The following RHEX variants were observed in gnomAD, a reference collection of about 807,000 sequenced individuals.
The protein encoded by RHEX is regulator of hemoglobinization and erythroid cell expansion.
Under a neutral mutation model 20.1 loss-of-function variants are expected in RHEX, and 18 were observed. The ratio of observed to expected loss-of-function variants is 0.90; its 90% CI spans 0.62 to 1.33. The LOEUF (loss-of-function observed/expected upper bound fraction) is 1.33, where lower values mean the gene tolerates loss of function less well. RHEX is among the 40% of genes most tolerant of loss of function. The probability of loss-of-function intolerance (pLI) is 0.00; values close to 1 mark genes in which losing one functional copy is unlikely to be tolerated. For synonymous variants in RHEX, 87 were observed against 77.1 expected, an observed-to-expected ratio of 1.13 and a Z score of -0.67; for missense variants, 192 against 214.3, an observed-to-expected ratio of 0.90 and a Z score of 0.65.
intron 2 of RHEX, 56 bp downstream of exon 2, chr1:206,097,895 C>G: frequency 1.5e-6 from 2 of 1,367,288 alleles, no homozygotes; most frequent in Non-Finnish European, 2.1e-6. Flanking sequence ...ACTGGTGTAG[C>G]TGTCTTCCAA....
intron 1 of RHEX, among the ~76,000 whole-genome samples, chr1:206,055,319 G>C (rs1004797592): frequency 2.0e-5 from 3 of 152,256 alleles, no homozygotes; most frequent in African/African-American, 7.2e-5. Flanking sequence ...ATTTTCAAGA[G>C]CTTATCAGTC....
chr1:206,053,249 C>T lies in RHEX; in HGVS notation c.-113C>T, dbSNP rs34733911. The T allele has an allele frequency of 2.3e-3, 346 of 152,822 alleles. 1 individual carries two copies. The highest frequency in any genetic ancestry group is 9.8e-3 in the East Asian group (51 of 5,188). 9.5% of individuals were successfully genotyped at this position (152,822 alleles called of 1,614,324 possible). A position where few individuals can be genotyped will look rare whatever the true frequency, so the allele number is the denominator to read the frequency against. On this transcript the variant is annotated 5_prime_UTR_variant, in exon 1 of 6. Transcript: ENST00000331555. ...CGGGAAGGAACTGGCACTTGGAGTC[C>T]GGACATCTGAAACTTGGTAAGACTA...
In RHEX at chr1:206,096,389, A is replaced by C. The variant is rs557857895; in HGVS notation, c.-96-1344A>C. The stretch of plus-strand genomic sequence containing the variant: ...ATACTAAAGCACCAGAATTCCTTTA[A>C]AAATGGAACATTGTTGTTTTCTCAG... On this transcript the variant is annotated intron_variant, in intron 1 of 5. Coordinates refer to ENST00000331555, the MANE Select transcript of RHEX (RefSeq NM_001007544.4). Among the ~76,000 whole-genome samples the C allele has an allele frequency of 4.7e-4, 71 of 152,378 alleles. 2 individuals carry two copies. The South Asian group carries it at 0.014, about 30-fold the overall frequency.
At chr1:206,080,097 G>T (rs1296479959) in intron 1 of RHEX, 1 of 152,162 alleles carries the variant, frequency 6.6e-6, no homozygotes, top group Non-Finnish European at 1.5e-5. Context: ...CTGAGCAGAG[G>T]GTGACATAAC....
At chr1:206,101,009 CT>C in intron 4 of RHEX, 126 bp from the exon 5 acceptor site, 2 of 667,350 alleles carry the variant, frequency 3.0e-6, no homozygotes, top group Non-Finnish European at 2.5e-6. Flanking sequence ...CCTACCCCCC[CT>C]TTTTGTTGCT....
At chr1:206,062,631 GAGGCATAGGGGGGCTGC>G (rs1194680202) in intron 1 of RHEX, among the ~76,000 whole-genome samples, 1 of 151,864 alleles carries the variant, frequency 6.6e-6, no homozygotes, top group African/African-American at 2.4e-5. Context: ...TGTGGAGGAG[GAGGCATAGGGGGGCTGC>G]AGGTGCCTGG....
At chr1:206,092,129 G>T (rs782603721) in intron 1 of RHEX, among the ~76,000 whole-genome samples, 1 of 149,044 alleles carries the variant, frequency 6.7e-6, no homozygotes. Flanking sequence ...TTGCCTTGTT[G>T]CCCAGGCTGA....
intron 1 of RHEX, chr1:206,056,534 C>T (rs1336680087): frequency 1.3e-5 from 2 of 152,244 alleles, no homozygotes; most frequent in African/African-American, 2.4e-5. Flanking sequence ...CTAAAAGAAA[C>T]TTGTTTGTAT....
intron 1 of RHEX, among the ~76,000 whole-genome samples, chr1:206,073,974 G>C (rs1191920276): frequency 6.6e-6 from 1 of 152,090 alleles, no homozygotes; most frequent in African/African-American, 2.4e-5. Context: ...AAGGGCCTCC[G>C]TAATCCGGCC....
chr1:206,054,328 A>G (rs1662142228), intron 1 of RHEX, among the ~76,000 whole-genome samples: 2 of 152,262 alleles, frequency 1.3e-5, no homozygotes, highest in South Asian at 4.1e-4. Flanking sequence ...AAAATGTTGT[A>G]TAATTTAAAA....
At chr1:206,099,830 AG>A in intron 4 of RHEX, 32 bp downstream of exon 4, 3 of 1,608,718 alleles carry the variant, frequency 1.9e-6, no homozygotes, top group Non-Finnish European at 1.7e-6. Flanking sequence ...GAACTTGTCT[AG>A]GGACTAACTT....
Position 206,085,686 on chromosome 1 carries a change from T to C in RHEX, c.-96-12047T>C, listed in dbSNP as rs150789590. On this transcript the variant is annotated intron_variant, in intron 1 of 5. Transcript: ENST00000331555. ...GTGACTGGAGGTGTGGTTTATCTAG[T>C]TGAGGCTCAAAGTTGCTCTTTCTCA... Among the ~76,000 whole-genome samples, 62 of 152,326 alleles carry C rather than the reference T, an allele frequency of 4.1e-4. No individual in the cohort carries two copies. In the East Asian group the frequency reaches 0.01, roughly 25 times the overall value.
At chr1:206,078,934 T>C (rs1662684592) in intron 1 of RHEX, among the ~76,000 whole-genome samples, 1 of 152,198 alleles carries the variant, frequency 6.6e-6, no homozygotes, top group South Asian at 2.1e-4. Flanking sequence ...ATGCAAAAGG[T>C]AAACAAATAT....
chr1:206,053,596 A>C (rs1662115064), intron 1 of RHEX, among the ~76,000 whole-genome samples: 1 of 152,062 alleles, frequency 6.6e-6, no homozygotes, highest in Non-Finnish European at 1.5e-5. Flanking sequence ...AACTATGTTA[A>C]AAAAAAATTC....
At chr1:206,065,498 C>G (rs1292934762) in intron 1 of RHEX, among the ~76,000 whole-genome samples, 1 of 152,090 alleles carries the variant, frequency 6.6e-6, no homozygotes. Context: ...CAGACTGGAC[C>G]AATGGTGGCA....
chr1:206,075,977 G>A (rs1445655310), intron 1 of RHEX, among the ~76,000 whole-genome samples: 4 of 152,192 alleles, frequency 2.6e-5, no homozygotes, highest in Admixed American at 2.6e-4. Context: ...TACAGCTGAT[G>A]AGACAGCACT....
chr1:206,062,839 C>T lies in RHEX; in HGVS notation c.-97+9574C>T, dbSNP rs573546843. 2.0e-5 allele frequency among the ~76,000 whole-genome samples: 3 copies of T among 152,290 alleles called. No individual in the cohort carries two copies. The South Asian group carries it at 6.2e-4, about 32-fold the overall frequency. ...TTACAATTGATTTACTCCTTCTTTT[C>T]GTCATTCACAAGTAGTCATTAAGCA... On this transcript the variant is annotated intron_variant, in intron 1 of 5. Coordinates refer to ENST00000331555, the MANE Select transcript of RHEX (RefSeq NM_001007544.4).
At chr1:206,066,783 G>A (rs1448611726) in intron 1 of RHEX, among the ~76,000 whole-genome samples, 1 of 152,172 alleles carries the variant, frequency 6.6e-6, no homozygotes, top group Non-Finnish European at 1.5e-5. Flanking sequence ...TATTTATGAA[G>A]GGTCCTAATG....
chr1:206,076,053 A>C (rs1270433342), intron 1 of RHEX, among the ~76,000 whole-genome samples: 1 of 152,268 alleles, frequency 6.6e-6, no homozygotes, highest in Non-Finnish European at 1.5e-5. Context: ...ATAGGCATGC[A>C]TAAGTGTACT....
Sources: allele counts gnomAD v4.1 joint callset (sites outside exome capture counted in the v4.1 genomes callset), GRCh38; gene constraint gnomAD v4.1.1; transcripts MANE v1.5; gene names NCBI Gene and HGNC (gene_info 2026-07-23, HGNC 2026-07-21).